The following IFT81 variants were observed in gnomAD, a reference collection of about 807,000 sequenced individuals.
IFT81 encodes the protein intraflagellar transport protein 81 homolog.
Under a neutral mutation model 102.6 loss-of-function variants are expected in IFT81, and 72 were observed. That is an observed-to-expected ratio of 0.70 (90% CI 0.58 to 0.85). The LOEUF is 0.85. Among genes scored for constraint, IFT81 ranks in the 40% least tolerant of loss-of-function variants. The pLI is 0.00. For missense variants in IFT81, 723 were observed against 787.3 expected (o/e 0.92, Z 0.98); for synonymous variants, 237 against 242.7 (o/e 0.98, Z 0.22).
chr12:110,167,233 C>T (rs1025966479), intron 11 of IFT81, among the ~76,000 whole-genome samples: 1 of 152,096 alleles, frequency 6.6e-6, no homozygotes, highest in Admixed American at 6.6e-5. Flanking sequence ...AGTACTTCCC[C>T]CCCATTGTAC....
intron 9 of IFT81, among the ~76,000 whole-genome samples, chr12:110,145,056 G>A (rs1304108263): frequency 2.3e-5 from 3 of 128,176 alleles, no homozygotes; most frequent in Admixed American, 8.6e-5. Flanking sequence ...TTTTTTACAC[G>A]GAGTCTCACA....
chr12:110,187,601 C>T (rs1487394240), intron 12 of IFT81, among the ~76,000 whole-genome samples: 1 of 151,992 alleles, frequency 6.6e-6, no homozygotes, highest in Non-Finnish European at 1.5e-5. Flanking sequence ...TCATTTGGGC[C>T]TATTACTTTG....
intron 17 of IFT81, among the ~76,000 whole-genome samples, chr12:110,208,455 G>A (rs979588212): frequency 2.0e-5 from 3 of 151,978 alleles, no homozygotes; most frequent in South Asian, 2.1e-4. Context: ...ACAATGAGGT[G>A]TGATCATGCC....
chr12:110,143,332 C>T (rs1335314556), intron 8 of IFT81, 50 bp from the exon 9 acceptor site: 2 of 1,100,528 alleles, frequency 1.8e-6, no homozygotes, highest in Non-Finnish European at 2.4e-6. Flanking sequence ...TACAGAATAT[C>T]ACTGTACCTA....
At position 110,210,831 on chromosome 12, in the gene IFT81, C is replaced by A. The variant is rs753808443; in HGVS notation, c.1848+1615C>A. 4.6e-5 allele frequency among the ~76,000 whole-genome samples: 7 copies of A among 151,680 alleles called. 1 individual carries two copies. The East Asian group carries it at 1.2e-3, about 25-fold the overall frequency. On this transcript the variant is annotated intron_variant, in intron 18 of 18. Coordinates refer to ENST00000242591, the MANE Select transcript of IFT81 (RefSeq NM_014055.4). ...ACAATAACAATTGGATGTTAACATC[C>A]GATACCTAGTGTTCAAAATCTTTTT...
At chr12:110,154,400 G>A (rs1189255245) in intron 10 of IFT81, among the ~76,000 whole-genome samples, 2 of 151,200 alleles carry the variant, frequency 1.3e-5, no homozygotes, top group South Asian at 2.1e-4. Flanking sequence ...GGAGGCTGAG[G>A]CAGGCAGATC....
chr12:110,135,530 T>G, intron 7 of IFT81, 93 bp downstream of exon 7: 1 of 736,550 alleles, frequency 1.4e-6, no homozygotes, highest in South Asian at 1.8e-5. Context: ...ATTGTAGACG[T>G]TCACGTTCCT....
rs767737916 is a variant in IFT81 at position 110,205,610 on chromosome 12, C to T, written c.1732C>T (p.Leu578Phe). 5.6e-6 allele frequency: 9 copies of T among 1,602,400 alleles called. No homozygotes were observed. Among genetic ancestry groups the T allele is most frequent in the Admixed American group, 5.2e-5 (3 of 57,428 alleles). Residue 578 changes from leucine to phenylalanine, a missense_variant, in exon 17 of 19, where the codon CTT (leucine) becomes TTT (phenylalanine). Physicochemically the swap from Leu to Phe is conservative, Grantham distance 22. Coordinates refer to ENST00000242591, the MANE Select transcript of IFT81 (RefSeq NM_014055.4). ...NCMIKNLEVQ[L>F]RRATDEMKAY... ...TTCTATTTAGAACCTAGAAGTTCAA[C>T]TTCGTCGTGCTACTGATGAGATGAA...
At chr12:110,142,803 T>A (rs906575120) in intron 8 of IFT81, among the ~76,000 whole-genome samples, 4 of 152,092 alleles carry the variant, frequency 2.6e-5, no homozygotes, top group African/African-American at 7.2e-5. Context: ...CTCAGGAGGC[T>A]AAGGTGGGAG....
At chr12:110,155,563 C>T (rs979751431) in intron 10 of IFT81, among the ~76,000 whole-genome samples, 9 of 152,172 alleles carry the variant, frequency 5.9e-5, no homozygotes, top group Non-Finnish European at 1.0e-4. Flanking sequence ...CTGCCCACTT[C>T]GGCCTCCCAA....
chr12:110,141,710 T>C (rs565352001), intron 8 of IFT81, among the ~76,000 whole-genome samples: 2 of 152,182 alleles, frequency 1.3e-5, no homozygotes, highest in East Asian at 3.9e-4. Context: ...GGTGAAACCC[T>C]GTCTCTACTA....
At chr12:110,162,158 A>G (rs1037704277) in intron 10 of IFT81, among the ~76,000 whole-genome samples, 11 of 152,108 alleles carry the variant, frequency 7.2e-5, no homozygotes, top group Admixed American at 3.3e-4. Context: ...CGGATATTGA[A>G]TTTAGTAAGA....
At chr12:110,188,117 G>C (rs1450271195) in intron 12 of IFT81, among the ~76,000 whole-genome samples, 1 of 152,076 alleles carries the variant, frequency 6.6e-6, no homozygotes, top group Non-Finnish European at 1.5e-5. Flanking sequence ...TGGATCACGA[G>C]GTCAGGAGAT....
intron 11 of IFT81, among the ~76,000 whole-genome samples, chr12:110,178,621 C>CT (rs893177808): frequency 1.4e-3 from 174 of 127,266 alleles, no homozygotes; most frequent in East Asian, 2.3e-3. Context: ...GGCTAAGATT[C>CT]TTTTTTTTTT....
At chr12:110,163,646 C>T (rs12310621) in intron 11 of IFT81, among the ~76,000 whole-genome samples, 3,267 of 140,084 alleles carry the variant, frequency 0.023, 115 homozygotes, top group African/African-American at 0.081. Context: ...GACGGAGTCT[C>T]GCTCTGTCGC....
chr12:110,195,526 C>T (rs1471384502), intron 14 of IFT81, among the ~76,000 whole-genome samples: 1 of 152,188 alleles, frequency 6.6e-6, no homozygotes, highest in Non-Finnish European at 1.5e-5. Flanking sequence ...AACCAGCTTA[C>T]TTACTCTGCC....
intron 8 of IFT81, among the ~76,000 whole-genome samples, chr12:110,138,196 C>T (rs568912649): frequency 9.5e-4 from 144 of 152,260 alleles, no homozygotes; most frequent in African/African-American, 3.3e-3. Context: ...GTTCCTACTT[C>T]GTTGACATCT....
chr12:110,147,777 C>T (rs1384168539), intron 10 of IFT81, among the ~76,000 whole-genome samples: 1 of 152,166 alleles, frequency 6.6e-6, no homozygotes, highest in Non-Finnish European at 1.5e-5. Flanking sequence ...CTTGTTTCCT[C>T]TATACTGCCA....
chr12:110,127,078 G>A (rs1477575785), intron 1 of IFT81, among the ~76,000 whole-genome samples: 1 of 152,114 alleles, frequency 6.6e-6, no homozygotes, highest in Non-Finnish European at 1.5e-5. Flanking sequence ...TTAATGTAGG[G>A]AGGATTTATT....
Sources: allele counts gnomAD v4.1 joint callset (sites outside exome capture counted in the v4.1 genomes callset), GRCh38; gene constraint gnomAD v4.1.1; transcripts MANE v1.5; gene names NCBI Gene and HGNC (gene_info 2026-07-23, HGNC 2026-07-21).